Variants in INVS observed in about 807,000 individuals in gnomAD.
INVS encodes the protein inversion of embryo turning homolog.
Under a neutral mutation model 108.8 loss-of-function variants are expected in INVS, and 86 were observed. The ratio of observed to expected loss-of-function variants is 0.79; its 90% confidence interval spans 0.66 to 0.95. The LOEUF (loss-of-function observed/expected upper bound fraction) is 0.95. Ranked by LOEUF, INVS falls within the 40% of genes least tolerant of loss-of-function variation. The pLI, the probability that INVS is intolerant of heterozygous loss-of-function variation, is 0.00. For synonymous variants in INVS, 455 were observed against 473.5 expected, an observed-to-expected ratio of 0.96 and a Z score of 0.51; for missense variants, 1,169 against 1,297.4, an observed-to-expected ratio of 0.90 and a Z score of 1.52.
At chr9:100,252,162 T>A in intron 8 of INVS, 121 bp from the exon 9 acceptor site, 2 of 1,155,540 alleles carry the variant, frequency 1.7e-6, no homozygotes, top group East Asian at 2.4e-5. Context: ...AGTGAATCCT[T>A]AAAATGGAGA....
At chr9:100,247,811 CT>C (rs530055694) in intron 8 of INVS, among the ~76,000 whole-genome samples, 8 of 151,372 alleles carry the variant, frequency 5.3e-5, no homozygotes, top group African/African-American at 1.7e-4. Flanking sequence ...TCTTAAATTT[CT>C]TTTTTTTTCT....
At position 100,156,257 on chromosome 9, in the gene INVS, C is replaced by CTTT. The variant is rs931919205; in HGVS notation, c.273+29727_273+29729dup. Among the ~76,000 whole-genome samples the CTTT allele has an allele frequency of 1.5e-3, 184 of 124,694 alleles. 5 individuals carry two copies. Among genetic ancestry groups the CTTT allele is most frequent in the African/African-American group, 4.1e-3 (128 of 30,924 alleles). 81.8% of individuals were successfully genotyped at this position (124,694 alleles called of 152,430 possible). On this transcript the variant is annotated intron_variant, in intron 3 of 16. Coordinates refer to ENST00000262457, the MANE Select transcript of INVS (RefSeq NM_014425.5). Reference sequence around the variant, plus strand: ...GTTAAAACTCCATGAGTTAGGAATACTTTTTTTTTTTTTTTTTTTTTGAGA... The same window carrying CTTT: ...GTTAAAACTCCATGAGTTAGGAATACTTTTTTTTTTTTTTTTTTTTTTTTGAGA...
chr9:100,198,960 G>A (rs1294426803), intron 3 of INVS, among the ~76,000 whole-genome samples: 1 of 152,120 alleles, frequency 6.6e-6, no homozygotes, highest in East Asian at 1.9e-4. Context: ...TTAGATTTGT[G>A]TTGTCCACAT....
In INVS at chr9:100,297,129, T is replaced by A. The variant is rs1268755672; in HGVS notation, c.2999T>A (p.Val1000Glu). ...GGCACAAAGTCCACCAAGCACTCAG[T>A]GCTTAAGCAAATCTATGGTAACTGT... The part of the protein sequence containing the change: ...TSGTKSTKHS[V>E]LKQIYGCSHE... Residue 1000 changes from valine (V) to glutamate (E), a missense_variant, in exon 15 of 17, where the codon GTG becomes GAG. Around this residue, in one of 3 missense-constraint regions of INVS, gnomAD observed 533 missense variants for 536.0 expected, o/e 0.99. Transcript: ENST00000262457. The A allele has an allele frequency of 1.2e-6, 2 of 1,613,902 alleles. No individual in the cohort carries two copies. The highest frequency in any genetic ancestry group is 1.7e-6 in the Non-Finnish European group (2 of 1,179,948).
At chr9:100,151,723 A>T (rs1159050777) in intron 3 of INVS, among the ~76,000 whole-genome samples, 3 of 152,180 alleles carry the variant, frequency 2.0e-5, no homozygotes, top group East Asian at 3.9e-4. Context: ...TTTTAGTACT[A>T]TCTATTCCTT....
In INVS at chr9:100,160,516, C is replaced by A. The variant is rs1023637602; in HGVS notation, c.273+33967C>A. ...TATTAGTCAATAGAGTCCCTTCCTG[C>A]ATTTATACATTCTCCTCATAACTCA... On this transcript the variant is annotated intron_variant, in intron 3 of 16. Transcript: ENST00000262457. Among the ~76,000 whole-genome samples the A allele has an allele frequency of 2.6e-5, 4 of 152,150 alleles. No individual in the cohort carries two copies. The South Asian group carries it at 8.3e-4, about 32-fold the overall frequency.
At chr9:100,225,182 C>T (rs12000731) in intron 3 of INVS, among the ~76,000 whole-genome samples, 26,709 of 151,500 alleles carry the variant, frequency 0.18, 3,570 homozygotes, top group African/African-American at 0.38. Flanking sequence ...CTCAGCCTCC[C>T]GAGTAAATGG....
intron 1 of INVS, among the ~76,000 whole-genome samples, chr9:100,100,838 A>G (rs1587994875): frequency 2.4e-4 from 2 of 8,200 alleles, no homozygotes; most frequent in Non-Finnish European, 3.4e-4. Context: ...TATATATAAT[A>G]TATATATAAT....
chr9:100,251,738 T>C (rs1294685525), intron 8 of INVS, among the ~76,000 whole-genome samples: 1 of 152,148 alleles, frequency 6.6e-6, no homozygotes, highest in Non-Finnish European at 1.5e-5. Context: ...GTAGCTGATA[T>C]TGTATTAAAA....
chr9:100,135,072 C>T (rs553970773), intron 3 of INVS, among the ~76,000 whole-genome samples: 18 of 152,184 alleles, frequency 1.2e-4, no homozygotes, highest in African/African-American at 3.6e-4. Flanking sequence ...TGTTCTGGAT[C>T]GGTGTGTGTG....
Position 100,136,528 on chromosome 9 carries a change from T to C in INVS, c.273+9979T>C, listed in dbSNP as rs552839227. On this transcript the variant is annotated intron_variant, in intron 3 of 16. Transcript: ENST00000262457. ...CTAATCAGTGTTCAAATTTTCCTGA[T>C]TATATCTCAAACATTTTTTTACAGT... 7.2e-5 allele frequency among the ~76,000 whole-genome samples: 11 copies of C among 152,342 alleles called. No homozygotes were observed. In the East Asian group the frequency reaches 2.1e-3, roughly 29 times the overall value.
chr9:100,292,494 C>T lies in INVS; in HGVS notation c.2237C>T (p.Ser746Phe). 6.2e-7 allele frequency: 1 copy of T among 1,614,188 alleles called. No homozygotes were observed. Among genetic ancestry groups the T allele is most frequent in the Non-Finnish European group, 8.5e-7 (1 of 1,180,044 alleles). Residue 746 changes from serine (S) to phenylalanine (F), a missense_variant, in exon 14 of 17, where the codon TCC becomes TTC. Around this residue, in one of 3 missense-constraint regions of INVS, gnomAD observed 533 missense variants for 536.0 expected, o/e 0.99. Transcript: ENST00000262457. ...GGGAAAGGCTTCGTGAAGCAGCCCT[C>T]CTGTATCAGGGTGGCTGGGCCTGAT... ...AKGKGFVKQP[S>F]CIRVAGPDEK...
Position 100,292,810 on chromosome 9 carries a change from C to T in INVS, c.2553C>T (p.Ser851=), listed in dbSNP as rs141896032. ...GGCTCTATTCACATTTGCCACAGAG[C>T]ACAGAGGAGTTGAGGTCAGGAGCTA... The part of the protein sequence containing the change: ...TGGLYSHLPQ[S]TEELRSGARR... Residue 851 remains serine, a synonymous_variant, in exon 14 of 17, where the codon AGC becomes AGT. Transcript: ENST00000262457. The T allele has an allele frequency of 6.2e-7, 1 of 1,614,120 alleles. No homozygotes were observed. The highest frequency in any genetic ancestry group is 1.1e-5 in the South Asian group (1 of 91,074).
chr9:100,175,302 C>T (rs1829675648), intron 3 of INVS: 3 of 703,768 alleles, frequency 4.3e-6, no homozygotes, highest in Non-Finnish European at 7.9e-6. Flanking sequence ...CATATATCTT[C>T]TGCTGAGATG....
At chr9:100,102,764 T>G (rs1827039065) in intron 1 of INVS, 1 of 152,286 alleles carries the variant, frequency 6.6e-6, no homozygotes, top group African/African-American at 2.4e-5. Context: ...AAAACTCCTA[T>G]GCTGATCGTA....
Position 100,105,152 on chromosome 9 carries a change from C to T in INVS, c.106+525C>T, listed in dbSNP as rs1827132263. Reference sequence around the variant, plus strand: ...CTTCCTGCTAAAGCAGAGCAAAGATCCATCTTTCTATCACAAATCCAGATA... The same window carrying T: ...CTTCCTGCTAAAGCAGAGCAAAGATTCATCTTTCTATCACAAATCCAGATA... On this transcript the variant is annotated intron_variant, in intron 2 of 16. Transcript: ENST00000262457. Among the ~76,000 whole-genome samples the T allele has an allele frequency of 2.6e-5, 4 of 152,112 alleles. No individual in the cohort carries two copies. The South Asian group carries it at 8.3e-4, about 32-fold the overall frequency.
chr9:100,143,127 G>A (rs545032070), intron 3 of INVS, among the ~76,000 whole-genome samples: 16 of 152,244 alleles, frequency 1.1e-4, no homozygotes, highest in Admixed American at 5.9e-4. Flanking sequence ...AAGTGAAAGC[G>A]AAGAGAGGCT....
chr9:100,217,890 T>C (rs1831037387), intron 3 of INVS, among the ~76,000 whole-genome samples: 1 of 152,142 alleles, frequency 6.6e-6, no homozygotes, highest in Non-Finnish European at 1.5e-5. Flanking sequence ...ACAGAAAAGT[T>C]TGATATAATG....
At chr9:100,118,003 A>G (rs1054905701) in intron 2 of INVS, among the ~76,000 whole-genome samples, 1 of 152,012 alleles carries the variant, frequency 6.6e-6, no homozygotes, top group Middle Eastern at 3.4e-3. Flanking sequence ...CTGATCTCAG[A>G]CTTCTAGCCT....
Sources: gnomAD v4.1 joint callset for allele counts (sites outside exome capture counted in the v4.1 genomes callset) on GRCh38, gnomAD v4.1.1 for gene constraint, gnomAD v4.1.1 regional missense constraint, MANE v1.5 for transcripts, NCBI Gene and HGNC (gene_info 2026-07-23, HGNC 2026-07-21) for gene names.